SIRPA: variants seen among roughly 807,000 people sequenced by gnomAD.
The protein encoded by SIRPA is signal regulatory protein alpha, also known as tyrosine-protein phosphatase non-receptor type substrate 1.
SIRPA carries 9 observed loss-of-function variants against 50.3 expected under a neutral mutation model. That is an observed-to-expected ratio of 0.18 (90% confidence interval 0.11 to 0.31). SIRPA has a LOEUF of 0.31. Ranked by LOEUF, SIRPA falls within the 10% of genes least tolerant of loss-of-function variation. SIRPA has a pLI of 1.00. For missense variants in SIRPA, 474 were observed against 661.6 expected, an observed-to-expected ratio of 0.72 and a Z score of 3.11; for synonymous variants, 265 against 284.1, an observed-to-expected ratio of 0.93 and a Z score of 0.68.
intron 1 of SIRPA, among the ~76,000 whole-genome samples, chr20:1,902,009 G>A (rs992923959): frequency 1.3e-5 from 2 of 152,190 alleles, no homozygotes; most frequent in African/African-American, 2.4e-5. Context: ...CTAGGTACAC[G>A]ATGTGCTCGG....
chr20:1,905,880 G>C (rs1600400882), intron 1 of SIRPA, among the ~76,000 whole-genome samples: 1 of 152,180 alleles, frequency 6.6e-6, no homozygotes, highest in Non-Finnish European at 1.5e-5. Context: ...AGTGCCGCCT[G>C]TCCCCGCTGC....
intron 1 of SIRPA, among the ~76,000 whole-genome samples, chr20:1,900,223 C>T (rs574646623): frequency 6.6e-6 from 1 of 151,752 alleles, no homozygotes; most frequent in East Asian, 1.9e-4. Flanking sequence ...GCCTCAGCCT[C>T]CCGAGTAGCT....
chr20:1,936,514 CA>C lies in SIRPA; in HGVS notation c.1267-805del, dbSNP rs1241313749. On this transcript the variant is annotated intron_variant, in intron 7 of 7. Coordinates refer to ENST00000358771, the MANE Select transcript of SIRPA (RefSeq NM_001040023.2). The surrounding 1 kb of genome is among the most constrained non-coding windows in gnomAD (Gnocchi z 4.2). ...CTGAGCTAGAACCAGGATTCAAACC[CA>C]GGCTTTCTGACTCCAGAACGTTTCC... 6.6e-6 allele frequency among the ~76,000 whole-genome samples: 1 copy of C among 152,192 alleles called. No individual in the cohort carries two copies. The highest frequency in any genetic ancestry group is 1.5e-5 in the Non-Finnish European group (1 of 68,036).
At chr20:1,896,356 CT>C (rs1983820295) in intron 1 of SIRPA, among the ~76,000 whole-genome samples, 1 of 150,514 alleles carries the variant, frequency 6.6e-6, no homozygotes, top group South Asian at 2.1e-4. Flanking sequence ...CTGAAGGCTA[CT>C]GTGCATGTTC....
At chr20:1,925,985 G>A (rs945387780) in intron 5 of SIRPA, among the ~76,000 whole-genome samples, 8 of 152,202 alleles carry the variant, frequency 5.3e-5, no homozygotes, top group African/African-American at 1.9e-4. Flanking sequence ...TTAAAATGCT[G>A]GTTGTGACCC....
In SIRPA at chr20:1,924,715, T is replaced by C. The variant is rs78856880; in HGVS notation, c.1088-49T>C. 2.6e-6 allele frequency: 4 copies of C among 1,524,202 alleles called. No homozygotes were observed. In the East Asian group the frequency reaches 6.8e-5, roughly 26 times the overall value. The allele number at this position is 1,524,202 out of a possible 1,614,324, so 94.4% of individuals were successfully genotyped here. Reference sequence around the variant, plus strand: ...TGAAAAGCAGTGGTGGGTTTGGTTTTCTGTTTTTAATCTGCATACGTGAAG... The same window carrying C: ...TGAAAAGCAGTGGTGGGTTTGGTTTCCTGTTTTTAATCTGCATACGTGAAG... On this transcript the variant is annotated intron_variant, in intron 4 of 7. Coordinates refer to ENST00000358771, the MANE Select transcript of SIRPA (RefSeq NM_001040023.2). The surrounding 1 kb of genome is among the most constrained non-coding windows in gnomAD (Gnocchi z 4.5).
At chr20:1,930,407 T>G (rs1416325436) in intron 6 of SIRPA, among the ~76,000 whole-genome samples, 2 of 152,190 alleles carry the variant, frequency 1.3e-5, no homozygotes, top group African/African-American at 4.8e-5. Flanking sequence ...GGATAGGTGC[T>G]TAGTAAAGGT....
chr20:1,909,606 A>G (rs1984763479), intron 1 of SIRPA, among the ~76,000 whole-genome samples: 1 of 152,118 alleles, frequency 6.6e-6, no homozygotes. Flanking sequence ...ACATGGTGAA[A>G]CTCCATCTCT....
At position 1,927,094 on chromosome 20, in the gene SIRPA, G is replaced by T. The variant is rs1263002649; in HGVS notation, c.1202-781G>T. Among the ~76,000 whole-genome samples, 2 of 152,180 alleles carry T rather than the reference G, an allele frequency of 1.3e-5. No individual in the cohort carries two copies. The highest frequency in any genetic ancestry group is 1.9e-4 in the East Asian group (1 of 5,186). On this transcript the variant is annotated intron_variant, in intron 5 of 7. Transcript: ENST00000358771. This position sits in a 1 kb window ranked among gnomAD's most constrained non-coding sequence, Gnocchi z 6.5. ...CTGGTACACCTCATCTAAAGATCCA[G>T]GACCTGCCCAGGCAGCAAGCGTTAA... is the stretch of plus-strand genomic sequence containing the variant.
At chr20:1,899,910 A>C (rs557191172) in intron 1 of SIRPA, among the ~76,000 whole-genome samples, 11 of 152,308 alleles carry the variant, frequency 7.2e-5, no homozygotes, top group African/African-American at 2.4e-4. Flanking sequence ...TAAGCACTCA[A>C]TACATATTAA....
intron 1 of SIRPA, among the ~76,000 whole-genome samples, chr20:1,913,027 G>C (rs1174574495): frequency 6.6e-6 from 1 of 152,224 alleles, no homozygotes; most frequent in African/African-American, 2.4e-5. Context: ...GGTTCTGTCT[G>C]TCCACTGTGG....
chr20:1,909,295 T>C (rs6035032), intron 1 of SIRPA, among the ~76,000 whole-genome samples: 57 of 152,306 alleles, frequency 3.7e-4, no homozygotes, highest in Middle Eastern at 3.4e-3. Context: ...TTCCGGGGGA[T>C]GGGCAAGCTC....
In SIRPA at chr20:1,937,565, G is replaced by A. The variant is rs553964074; in HGVS notation, c.1512G>A (p.Lys504=). The change falls in exon 8 of 8, where the codon AAG becomes AAA. Residue 504 remains lysine, a synonymous_variant. Coordinates refer to ENST00000358771, the MANE Select transcript of SIRPA (RefSeq NM_001040023.2). The surrounding 1 kb of genome is among the most constrained non-coding windows in gnomAD (Gnocchi z 8.3). ...ACGCCAGCGTCCAGGTCCCGAGGAA[G>A]TGAATGGGACCGTGGTTTGCTCTAG... ...SEYASVQVPR[K] The A allele has an allele frequency of 6.2e-7, 1 of 1,614,070 alleles. No homozygotes were observed. The highest frequency in any genetic ancestry group is 1.3e-5 in the African/African-American group (1 of 75,042).
rs1214209773 is a variant in SIRPA at position 1,928,256 on chromosome 20, C to A, written c.1226+357C>A. On this transcript the variant is annotated intron_variant, in intron 6 of 7. Coordinates refer to ENST00000358771, the MANE Select transcript of SIRPA (RefSeq NM_001040023.2). This position sits in a 1 kb window ranked among gnomAD's most constrained non-coding sequence, Gnocchi z 4.9. ...CCAGATCCAAGTTGTATACTTTACT[C>A]TTTCCTTTGTTTAGTAAATATTTAT... Among the ~76,000 whole-genome samples the A allele has an allele frequency of 6.6e-6, 1 of 152,198 alleles. No individual in the cohort carries two copies. The highest frequency in any genetic ancestry group is 1.9e-4 in the East Asian group (1 of 5,198).
At chr20:1,917,181 T>C (rs534725947) in intron 2 of SIRPA, among the ~76,000 whole-genome samples, 1 of 152,226 alleles carries the variant, frequency 6.6e-6, no homozygotes, top group Non-Finnish European at 1.5e-5. Context: ...CTGGATTGGA[T>C]CCTCATCCTG....
intron 1 of SIRPA, among the ~76,000 whole-genome samples, chr20:1,908,858 G>T (rs763253059): frequency 2.6e-5 from 4 of 152,112 alleles, no homozygotes; most frequent in Non-Finnish European, 5.9e-5. Flanking sequence ...TCTCTGCATA[G>T]CCCTTTATTA....
Position 1,927,873 on chromosome 20 carries a change from A to G in SIRPA, c.1202-2A>G. 6.2e-7 allele frequency: 1 copy of G among 1,613,904 alleles called. No homozygotes were observed. Among genetic ancestry groups the G allele is most frequent in the Non-Finnish European group, 8.5e-7 (1 of 1,179,770 alleles). ...CTGGCTTTTGTTTCTTTTGTCTTTC[A>G]GCCCAGGGCTCCACTTCTTCTACAA... On this transcript the variant is annotated splice_acceptor_variant, in intron 5 of 7. Coordinates refer to ENST00000358771, the MANE Select transcript of SIRPA (RefSeq NM_001040023.2). LOFTEE classifies it high-confidence loss of function. This position sits in a 1 kb window ranked among gnomAD's most constrained non-coding sequence, Gnocchi z 6.5.
Position 1,933,260 on chromosome 20 carries a change from G to A in SIRPA, c.1227-1455G>A, listed in dbSNP as rs144720462. Among the ~76,000 whole-genome samples, 532 of 152,320 alleles carry A rather than the reference G, an allele frequency of 3.5e-3. 2 individuals are homozygous for A. Among genetic ancestry groups the A allele is most frequent in the African/African-American group, 0.012 (481 of 41,560 alleles). On this transcript the variant is annotated intron_variant, in intron 6 of 7. Transcript: ENST00000358771. This position sits in a 1 kb window ranked among gnomAD's most constrained non-coding sequence, Gnocchi z 4.4. ...GTCATGGAGGGGCAGCCCAGCCAGC[G>A]CAGCACTGTCAGCAGAGCCATCACA...
chr20:1,926,980 A>G (rs566175781), intron 5 of SIRPA, among the ~76,000 whole-genome samples: 1 of 152,342 alleles, frequency 6.6e-6, no homozygotes, highest in Admixed American at 6.5e-5. Flanking sequence ...CTGGTGTCCT[A>G]TCACTGGATT....
Sources: allele counts gnomAD v4.1 joint callset (sites outside exome capture counted in the v4.1 genomes callset), GRCh38; gene constraint gnomAD v4.1.1; non-coding constraint Gnocchi (gnomAD v3.1); transcripts MANE v1.5; gene names NCBI Gene and HGNC (gene_info 2026-07-23, HGNC 2026-07-21).